The following FRMPD1 variants were observed in gnomAD, a reference collection of about 807,000 sequenced individuals.
The protein encoded by FRMPD1 is FERM and PDZ domain containing 1, also known as FERM and PDZ domain-containing protein 1.
In FRMPD1, 76 loss-of-function variants were observed where a neutral mutation model predicts 117.8. The observed-to-expected ratio is 0.65, with a 90% confidence interval of 0.54 to 0.78. FRMPD1 has a LOEUF of 0.78. Ranked by LOEUF, FRMPD1 falls within the 30% of genes least tolerant of loss-of-function variation. FRMPD1 has a pLI of 0.00. For missense variants in FRMPD1, 1,786 were observed against 1,964.5 expected, an observed-to-expected ratio of 0.91 and a Z score of 1.72; for synonymous variants, 783 against 770.4, an observed-to-expected ratio of 1.02 and a Z score of -0.27.
chr9:37,624,282 G>T, the FRMPD1 span, among the ~76,000 whole-genome samples: 1 of 152,184 alleles, frequency 6.6e-6, no homozygotes, highest in East Asian at 1.9e-4. Context: ...TCCTTTCACT[G>T]GTCAAACTCA....
intron 1 of FRMPD1, among the ~76,000 whole-genome samples, chr9:37,675,754 G>T (rs1216370777): frequency 3.3e-5 from 5 of 152,218 alleles, no homozygotes; most frequent in African/African-American, 1.2e-4. Context: ...GGTGGCAGGG[G>T]CCTTAGAATC....
At chr9:37,675,190 A>G (rs572511383) in intron 1 of FRMPD1, among the ~76,000 whole-genome samples, 4 of 152,216 alleles carry the variant, frequency 2.6e-5, no homozygotes, top group African/African-American at 7.2e-5. Flanking sequence ...TGGGAGGCTG[A>G]GGTGGTTGGA....
chr9:37,614,159 A>C, the FRMPD1 span, among the ~76,000 whole-genome samples: 3,945 of 152,296 alleles, frequency 0.026, 59 homozygotes, highest in Non-Finnish European at 0.041. Flanking sequence ...ATGGGGTAGC[A>C]ATTATGGAAG....
At chr9:37,709,778 C>A (rs933243673) in intron 4 of FRMPD1, among the ~76,000 whole-genome samples, 6 of 152,260 alleles carry the variant, frequency 3.9e-5, no homozygotes, top group Middle Eastern at 3.4e-3. Context: ...GAAGTAGGGG[C>A]TGCTGAGCAG....
At chr9:37,658,739 G>A (rs956721374) in intron 1 of FRMPD1, among the ~76,000 whole-genome samples, 4 of 152,066 alleles carry the variant, frequency 2.6e-5, no homozygotes, top group African/African-American at 9.7e-5. Context: ...TGAGATTTAG[G>A]GTCCATCTGG....
intron 5 of FRMPD1, among the ~76,000 whole-genome samples, chr9:37,717,381 A>ATATATATT (rs1335593457): frequency 8.7e-6 from 1 of 114,344 alleles, no homozygotes; most frequent in Non-Finnish European, 1.8e-5. Flanking sequence ...ATATATATAT[A>ATATATATT]TTTTTTTTTT....
intron 1 of FRMPD1, among the ~76,000 whole-genome samples, chr9:37,651,548 C>T (rs559192733): frequency 5.8e-4 from 88 of 152,376 alleles, no homozygotes; most frequent in Non-Finnish European, 1.2e-3. Context: ...AGAGGGGCAT[C>T]CCTGAGTGTC....
At chr9:37,732,615 C>T (rs546611200) in intron 10 of FRMPD1, among the ~76,000 whole-genome samples, 175 bp downstream of exon 10, 2 of 152,236 alleles carry the variant, frequency 1.3e-5, no homozygotes, top group Non-Finnish European at 2.9e-5. Flanking sequence ...GATGTCTGAA[C>T]CTGGCTGCTC....
chr9:37,664,484 C>T (rs756432852), intron 1 of FRMPD1, among the ~76,000 whole-genome samples: 12 of 151,966 alleles, frequency 7.9e-5, no homozygotes, highest in Non-Finnish European at 1.5e-4. Context: ...ACCCCACCCC[C>T]GACAGGCCCC....
rs1374905619 is a variant in FRMPD1 at position 37,732,423 on chromosome 9, C to T, written c.978C>T (p.Ile326=). The T allele has an allele frequency of 2.5e-6, 4 of 1,613,298 alleles. No individual in the cohort carries two copies. The highest frequency in any genetic ancestry group is 3.4e-6 in the Non-Finnish European group (4 of 1,179,918). ...ACGCCTGTGCCCAGCCACAGAAGATCTCTTTAAAGTATATAGAGTGAGTGG... is the reference window on the plus strand; with the variant it reads ...ACGCCTGTGCCCAGCCACAGAAGATTTCTTTAAAGTATATAGAGTGAGTGG... The part of the protein sequence containing the change: ...RIYACAQPQK[I]SLKYIEKDWG... The change falls in exon 10 of 16, where the codon ATC becomes ATT. Residue 326 remains isoleucine (I), a synonymous_variant. Coordinates refer to ENST00000377765, the MANE Select transcript of FRMPD1 (RefSeq NM_014907.3).
chr9:37,665,281 A>G (rs1821127476), intron 1 of FRMPD1, among the ~76,000 whole-genome samples: 1 of 152,226 alleles, frequency 6.6e-6, no homozygotes, highest in Non-Finnish European at 1.5e-5. Flanking sequence ...CTTCTCTCCA[A>G]AAAAGAAAAC....
chr9:37,701,494 C>T (rs866149748), intron 2 of FRMPD1, among the ~76,000 whole-genome samples: 13 of 124,928 alleles, frequency 1.0e-4, no homozygotes, highest in South Asian at 2.8e-4. Flanking sequence ...TGTGTGCGCG[C>T]GTGTGTGTGC....
the FRMPD1 span, among the ~76,000 whole-genome samples, chr9:37,607,355 T>C: frequency 1.3e-5 from 2 of 152,142 alleles, no homozygotes; most frequent in South Asian, 4.2e-4. Flanking sequence ...GGGAAAGGAA[T>C]GAAAGTGGTG....
At chr9:37,671,946 A>G (rs10114032) in intron 1 of FRMPD1, among the ~76,000 whole-genome samples, 25,848 of 152,146 alleles carry the variant, frequency 0.17, 3,127 homozygotes, top group East Asian at 0.47. Flanking sequence ...AGCCTGGGTG[A>G]CAGAGCAAGA....
the FRMPD1 span, among the ~76,000 whole-genome samples, chr9:37,645,643 C>T: frequency 6.6e-6 from 1 of 152,182 alleles, no homozygotes; most frequent in East Asian, 1.9e-4. Flanking sequence ...GCTCAACTCC[C>T]TATTCTTAGT....
chr9:37,706,984 A>G (rs1822730380), intron 2 of FRMPD1, among the ~76,000 whole-genome samples: 1 of 152,012 alleles, frequency 6.6e-6, no homozygotes, highest in African/African-American at 2.4e-5. Flanking sequence ...CCATTCATTC[A>G]TTGATTCACT....
Position 37,740,652 on chromosome 9 carries a change from C to T in FRMPD1, c.2124C>T (p.Ser708=). ...AAGGCAGCCACGCTGACTACTACAG[C>T]CTGTGTTCCAGTGTCTCCCCGGCCA... ...LYEGSHADYY[S]LCSSVSPASY... Residue 708 remains serine, a synonymous_variant, in exon 15 of 16, where the codon AGC becomes AGT. Coordinates refer to ENST00000377765, the MANE Select transcript of FRMPD1 (RefSeq NM_014907.3). This position sits in a 1 kb window ranked among gnomAD's most constrained non-coding sequence, Gnocchi z 4.2. 2 of 1,614,164 alleles carry T rather than the reference C, an allele frequency of 1.2e-6. No individual in the cohort carries two copies. The highest frequency in any genetic ancestry group is 1.3e-5 in the African/African-American group (1 of 75,060).
In FRMPD1 at chr9:37,746,688, A is replaced by G; in HGVS notation, c.4656A>G (p.Lys1552=). Residue 1552 remains lysine, a synonymous_variant, in exon 16 of 16, where the codon AAA becomes AAG. Coordinates refer to ENST00000377765, the MANE Select transcript of FRMPD1 (RefSeq NM_014907.3). Reference sequence around the variant, plus strand: ...GAGGCTACCACGACCTGAGTGTGAAACTCCTGGCCCGTCAGTGCACGGCCC... The same window carrying G: ...GAGGCTACCACGACCTGAGTGTGAAGCTCCTGGCCCGTCAGTGCACGGCCC... ...CERGYHDLSV[K]LLARQCTALT... is the part of the protein sequence containing the mutation. 6.2e-7 allele frequency: 1 copy of G among 1,613,764 alleles called. No individual in the cohort carries two copies. The highest frequency in any genetic ancestry group is 8.5e-7 in the Non-Finnish European group (1 of 1,179,962).
the FRMPD1 span, among the ~76,000 whole-genome samples, chr9:37,604,338 A>G: frequency 1.3e-5 from 2 of 152,358 alleles, no homozygotes; most frequent in African/African-American, 2.4e-5. Flanking sequence ...ACTAGTTAAG[A>G]AGATCTAGTA....
Sources: allele counts gnomAD v4.1 joint callset (sites outside exome capture counted in the v4.1 genomes callset), GRCh38; gene constraint gnomAD v4.1.1; non-coding constraint Gnocchi (gnomAD v3.1); transcripts MANE v1.5; gene names NCBI Gene and HGNC (gene_info 2026-07-23, HGNC 2026-07-21).